CMPK1: variants seen among roughly 807,000 people sequenced by gnomAD.
CMPK1 encodes cytidine/uridine monophosphate kinase 1, also known as UMP-CMP kinase.
A neutral mutation model predicts 25.7 loss-of-function variants in CMPK1; 10 were observed. The ratio of observed to expected loss-of-function variants is 0.39; its 90% CI spans 0.24 to 0.66. CMPK1 has a LOEUF of 0.66. Ranked by LOEUF, CMPK1 falls within the 30% of genes least tolerant of loss-of-function variation. CMPK1 has a pLI of 0.48. For missense variants in CMPK1, 199 were observed against 280.5 expected (o/e 0.71, Z 2.08); for synonymous variants, 106 against 101.5 (o/e 1.04, Z -0.27).
At chr1:47,337,413 TGATGA>T (rs1319447960) in intron 1 of CMPK1, among the ~76,000 whole-genome samples, 1 of 152,248 alleles carries the variant, frequency 6.6e-6, no homozygotes, top group African/African-American at 2.4e-5. Flanking sequence ...CAAGATTCCA[TGATGA>T]GATATGTTCT....
chr1:47,336,661 GAC>G lies in CMPK1; in HGVS notation c.171+2547_171+2548del, dbSNP rs546229761. 2.0e-4 allele frequency among the ~76,000 whole-genome samples: 31 copies of G among 152,146 alleles called. No homozygotes were observed. The South Asian group carries it at 5.4e-3, about 27-fold the overall frequency. On this transcript the variant is annotated intron_variant, in intron 1 of 5. Coordinates refer to ENST00000371873, the MANE Select transcript of CMPK1 (RefSeq NM_016308.3). ...CCTCAGTCTCCCAAGTAGCTGGGAT[GAC>G]AGGTGTGCACTGCCACTCTCTGCTA...
At chr1:47,346,450 T>C (rs922385163) in intron 1 of CMPK1, among the ~76,000 whole-genome samples, 50 of 152,134 alleles carry the variant, frequency 3.3e-4, no homozygotes, top group African/African-American at 1.2e-3. Flanking sequence ...ATTGGACACT[T>C]CCACCTGCAT....
At chr1:47,354,314 G>A (rs375447056) in intron 1 of CMPK1, among the ~76,000 whole-genome samples, 1 of 152,160 alleles carries the variant, frequency 6.6e-6, no homozygotes, top group East Asian at 1.9e-4. Flanking sequence ...GGGCAGCAGA[G>A]CAAGACACTG....
chr1:47,357,482 CTT>C (rs5773945), intron 1 of CMPK1, among the ~76,000 whole-genome samples: 112 of 145,212 alleles, frequency 7.7e-4, no homozygotes, highest in Non-Finnish European at 1.2e-3. Flanking sequence ...TTAATGGATT[CTT>C]TTTTTTTTTT....
intron 1 of CMPK1, among the ~76,000 whole-genome samples, chr1:47,336,861 A>G (rs1424612674): frequency 6.6e-6 from 1 of 152,238 alleles, no homozygotes; most frequent in African/African-American, 2.4e-5. Flanking sequence ...TTTTTCTTTT[A>G]AATTACTTTA....
At chr1:47,342,483 T>C (rs1489052625) in intron 1 of CMPK1, among the ~76,000 whole-genome samples, 1 of 152,098 alleles carries the variant, frequency 6.6e-6, no homozygotes, top group Non-Finnish European at 1.5e-5. Context: ...GCTATCTGGG[T>C]ATCCCTTAAT....
At chr1:47,355,093 T>A (rs1196743787) in intron 1 of CMPK1, among the ~76,000 whole-genome samples, 1 of 151,884 alleles carries the variant, frequency 6.6e-6, no homozygotes, top group African/African-American at 2.4e-5. Context: ...GTCGCTCAGG[T>A]TGGAGTGCAA....
At chr1:47,342,961 A>C (rs1033053960) in intron 1 of CMPK1, among the ~76,000 whole-genome samples, 2 of 147,432 alleles carry the variant, frequency 1.4e-5, no homozygotes, top group African/African-American at 2.5e-5. Flanking sequence ...CTTTTTTTAA[A>C]GTGAAATGGC....
chr1:47,338,619 CT>C (rs1190376608), intron 1 of CMPK1, among the ~76,000 whole-genome samples: 11 of 102,934 alleles, frequency 1.1e-4, no homozygotes, highest in Non-Finnish European at 6.4e-5. Flanking sequence ...TTCTTCTTTT[CT>C]TTTTTTTTTA....
At chr1:47,366,706 T>C (rs1251644780) in intron 1 of CMPK1, among the ~76,000 whole-genome samples, 1 of 152,152 alleles carries the variant, frequency 6.6e-6, no homozygotes, top group Non-Finnish European at 1.5e-5. Flanking sequence ...TTTTTTCTTT[T>C]TGACAAACTG....
At chr1:47,349,998 G>A (rs1350438836) in intron 1 of CMPK1, among the ~76,000 whole-genome samples, 1 of 152,144 alleles carries the variant, frequency 6.6e-6, no homozygotes, top group East Asian at 1.9e-4. Context: ...TATAGATGGA[G>A]TTTCGCCATG....
intron 5 of CMPK1, 48 bp downstream of exon 5, chr1:47,375,341 T>G (rs758427814): frequency 4.7e-6 from 6 of 1,265,916 alleles, no homozygotes; most frequent in South Asian, 1.3e-5. Flanking sequence ...AATAAAAATG[T>G]GATTATTTGT....
At chr1:47,345,078 G>A (rs1339797919) in intron 1 of CMPK1, among the ~76,000 whole-genome samples, 1 of 151,492 alleles carries the variant, frequency 6.6e-6, no homozygotes, top group East Asian at 2.0e-4. Context: ...CACCATGCCC[G>A]GCTAATTTAT....
intron 5 of CMPK1, 58 bp from the exon 6 acceptor site, chr1:47,376,644 GCT>G (rs1459213928): frequency 1.9e-6 from 2 of 1,068,694 alleles, no homozygotes; most frequent in Non-Finnish European, 1.4e-6. Context: ...TAAGAACTTA[GCT>G]GTATGGTATT....
At chr1:47,362,732 C>A (rs921066053) in intron 1 of CMPK1, among the ~76,000 whole-genome samples, 2 of 152,206 alleles carry the variant, frequency 1.3e-5, no homozygotes, top group Non-Finnish European at 2.9e-5. Flanking sequence ...AACTTCCATA[C>A]TTTAATATGT....
chr1:47,340,574 A>C (rs1646434266), intron 1 of CMPK1, among the ~76,000 whole-genome samples: 1 of 152,210 alleles, frequency 6.6e-6, no homozygotes, highest in Non-Finnish European at 1.5e-5. Context: ...AGAAGAAACT[A>C]GATAGGAAAA....
chr1:47,359,329 A>G (rs564349296), intron 1 of CMPK1, among the ~76,000 whole-genome samples: 32 of 151,230 alleles, frequency 2.1e-4, no homozygotes, highest in African/African-American at 7.4e-4. Flanking sequence ...AAAAAAAATA[A>G]AAAATAAGAA....
chr1:47,377,429 T>G lies in CMPK1; in HGVS notation c.*684T>G, dbSNP rs1646715225. On this transcript the variant is annotated 3_prime_UTR_variant, in exon 6 of 6. Transcript: ENST00000371873. ...GCTTTAGTCTGACATAATCTAAGGGTATGGGGCAAGGATCACATCTAATGC... is the reference window on the plus strand; with the variant it reads ...GCTTTAGTCTGACATAATCTAAGGGGATGGGGCAAGGATCACATCTAATGC... The G allele has an allele frequency of 1.3e-5, 2 of 152,112 alleles. No homozygotes were observed. Among genetic ancestry groups the G allele is most frequent in the South Asian group, 4.1e-4 (2 of 4,828 alleles). 9.4% of individuals were successfully genotyped at this position (152,112 alleles called of 1,614,324 possible).
rs1402821724 is a variant in CMPK1, at chr1:47,378,731, C to T, written c.*1986C>T. The T allele has an allele frequency of 6.6e-6, 1 of 151,848 alleles. No individual in the cohort carries two copies. The highest frequency in any genetic ancestry group is 1.5e-5 in the Non-Finnish European group (1 of 67,978). The allele number at this position is 151,848 out of a possible 1,614,324, so 9.4% of individuals were successfully genotyped here. On this transcript the variant is annotated 3_prime_UTR_variant, in exon 6 of 6. Coordinates refer to ENST00000371873, the MANE Select transcript of CMPK1 (RefSeq NM_016308.3). Reference sequence around the variant, plus strand: ...GAATGTTTTGAGTTTTTTGAAAGACCCCAATTTAAGCCTTGCTTATTTTTA... The same window carrying T: ...GAATGTTTTGAGTTTTTTGAAAGACTCCAATTTAAGCCTTGCTTATTTTTA...
Sources: gnomAD v4.1 joint callset for allele counts (sites outside exome capture counted in the v4.1 genomes callset) on GRCh38, gnomAD v4.1.1 for gene constraint, MANE v1.5 for transcripts, NCBI Gene and HGNC (gene_info 2026-07-23, HGNC 2026-07-21) for gene names.